PIP4K2A: variants seen among roughly 807,000 people sequenced by gnomAD.
PIP4K2A encodes the protein phosphatidylinositol 5-phosphate 4-kinase type-2 alpha.
A neutral mutation model predicts 42.9 loss-of-function variants in PIP4K2A; 14 were observed. The ratio of observed to expected loss-of-function variants is 0.33; its 90% CI spans 0.22 to 0.51. The LOEUF (loss-of-function observed/expected upper bound fraction) is 0.51. Among genes scored for constraint, PIP4K2A ranks in the 20% least tolerant of loss-of-function variants. PIP4K2A has a pLI of 0.97. For synonymous variants in PIP4K2A, 192 were observed against 192.2 expected, an observed-to-expected ratio of 1.00 and a Z score of 0.01; for missense variants, 434 against 519.8, an observed-to-expected ratio of 0.83 and a Z score of 1.61.
intron 1 of PIP4K2A, among the ~76,000 whole-genome samples, chr10:22,679,112 T>G (rs1179750784): frequency 6.6e-6 from 1 of 152,158 alleles, no homozygotes; most frequent in Non-Finnish European, 1.5e-5. Flanking sequence ...CACCTAATGC[T>G]GCAAACAATA....
At chr10:22,588,437 T>A (rs1837445492) in intron 4 of PIP4K2A, among the ~76,000 whole-genome samples, 1 of 152,220 alleles carries the variant, frequency 6.6e-6, no homozygotes, top group South Asian at 2.1e-4. Context: ...CTTACATTTC[T>A]CCTTGGCAAC....
chr10:22,562,866 C>G (rs1036293263), intron 6 of PIP4K2A, among the ~76,000 whole-genome samples: 4 of 152,124 alleles, frequency 2.6e-5, no homozygotes, highest in African/African-American at 9.7e-5. Flanking sequence ...TCTGTTCTGA[C>G]GCCACCCTGA....
chr10:22,625,138 A>C (rs1484173422), intron 1 of PIP4K2A, among the ~76,000 whole-genome samples: 1 of 152,222 alleles, frequency 6.6e-6, no homozygotes, highest in Non-Finnish European at 1.5e-5. Context: ...CCAGTGATAC[A>C]GTTCTTCCAC....
At chr10:22,689,419 T>C (rs1334908950) in intron 1 of PIP4K2A, among the ~76,000 whole-genome samples, 1 of 152,224 alleles carries the variant, frequency 6.6e-6, no homozygotes, top group Admixed American at 6.5e-5. Flanking sequence ...AGGCCTACCA[T>C]GGTTGCAGCT....
At chr10:22,594,730 G>A (rs938341978) in intron 3 of PIP4K2A, among the ~76,000 whole-genome samples, 2 of 152,164 alleles carry the variant, frequency 1.3e-5, no homozygotes, top group Admixed American at 6.5e-5. Flanking sequence ...GGCTGGAAAC[G>A]TAAAAGCAAA....
At chr10:22,701,995 A>C (rs974560091) in intron 1 of PIP4K2A, among the ~76,000 whole-genome samples, 2 of 152,356 alleles carry the variant, frequency 1.3e-5, no homozygotes, top group Admixed American at 1.3e-4. Flanking sequence ...CAGGGACTGC[A>C]GCCCAATTTT....
chr10:22,709,106 CTTT>C (rs760885162), intron 1 of PIP4K2A, among the ~76,000 whole-genome samples: 1 of 144,470 alleles, frequency 6.9e-6, no homozygotes, highest in Non-Finnish European at 1.5e-5. Context: ...ATTTAGCAGA[CTTT>C]TTTTTTTTTT....
chr10:22,536,478 C>T lies in PIP4K2A; in HGVS notation c.*723G>A, dbSNP rs1331432765. Reference sequence around the variant, plus strand: ...TTGCGGGAGGGGTGGGGGCTCTGGACACCAGGGGGTCCTGACAAGGCTGGG... The same window carrying T: ...TTGCGGGAGGGGTGGGGGCTCTGGATACCAGGGGGTCCTGACAAGGCTGGG... On this transcript the variant is annotated 3_prime_UTR_variant, in exon 10 of 10. Coordinates refer to ENST00000376573, the MANE Select transcript of PIP4K2A (RefSeq NM_005028.5). The T allele has an allele frequency of 1.1e-5, 2 of 188,112 alleles. No homozygotes were observed. The highest frequency in any genetic ancestry group is 2.2e-5 in the Non-Finnish European group (2 of 92,466). 11.7% of individuals were successfully genotyped at this position (188,112 alleles called of 1,614,324 possible). A position where few individuals can be genotyped will look rare whatever the true frequency, so the allele number is the denominator to read the frequency against.
chr10:22,671,532 G>A (rs1016523119), intron 1 of PIP4K2A, among the ~76,000 whole-genome samples: 1 of 152,098 alleles, frequency 6.6e-6, no homozygotes, highest in Non-Finnish European at 1.5e-5. Context: ...CTGCCCACCT[G>A]GGTCCTGCCA....
chr10:22,672,723 A>C (rs911916087), intron 1 of PIP4K2A, among the ~76,000 whole-genome samples: 3 of 152,232 alleles, frequency 2.0e-5, no homozygotes, highest in African/African-American at 7.2e-5. Flanking sequence ...ACAGACGCAG[A>C]GAAAAAGACC....
At chr10:22,676,097 CTTTT>C (rs1206080617) in intron 1 of PIP4K2A, among the ~76,000 whole-genome samples, 2 of 125,664 alleles carry the variant, frequency 1.6e-5, no homozygotes, top group Non-Finnish European at 3.6e-5. Flanking sequence ...CTTTTCCTGT[CTTTT>C]CATCTCTCTG....
chr10:22,622,681 C>T (rs1014762555), intron 1 of PIP4K2A, among the ~76,000 whole-genome samples: 2 of 152,230 alleles, frequency 1.3e-5, no homozygotes, highest in South Asian at 2.1e-4. Context: ...CGGGACAAGT[C>T]GTCTGTCTTC....
At chr10:22,574,804 TGA>T (rs1837072830) in intron 4 of PIP4K2A, among the ~76,000 whole-genome samples, 1 of 152,194 alleles carries the variant, frequency 6.6e-6, no homozygotes, top group South Asian at 2.1e-4. Flanking sequence ...TATAATAAAT[TGA>T]GTTTTGCTAA....
rs1296112157 is a variant in PIP4K2A, at chr10:22,536,629, T to G, written c.*572A>C. On this transcript the variant is annotated 3_prime_UTR_variant, in exon 10 of 10. Transcript: ENST00000376573. ...TAGAAATGGAACATTCGCTGTAGGT[T>G]TTTTCCTTGGAATCATCATCATTAT... is the stretch of plus-strand genomic sequence containing the variant. 1 of 151,620 alleles carries G rather than the reference T, an allele frequency of 6.6e-6. No homozygotes were observed. The highest frequency in any genetic ancestry group is 2.4e-5 in the African/African-American group (1 of 40,840). The allele number at this position is 151,620 out of a possible 1,614,324, so 9.4% of individuals were successfully genotyped here. A position where few individuals can be genotyped will look rare whatever the true frequency, so the allele number is the denominator to read the frequency against.
intron 1 of PIP4K2A, among the ~76,000 whole-genome samples, chr10:22,672,773 C>T (rs944722040): frequency 6.6e-6 from 1 of 152,176 alleles, no homozygotes; most frequent in Non-Finnish European, 1.5e-5. Flanking sequence ...GTCACACCAA[C>T]CGTAATTTAG....
At chr10:22,604,349 CCT>C (rs1424765071) in intron 3 of PIP4K2A, among the ~76,000 whole-genome samples, 3 of 152,002 alleles carry the variant, frequency 2.0e-5, no homozygotes, top group Middle Eastern at 3.2e-3. Context: ...CAGACCAATA[CCT>C]ACTTTTTTCA....
chr10:22,639,833 T>A (rs941759162), intron 1 of PIP4K2A, among the ~76,000 whole-genome samples: 2 of 150,150 alleles, frequency 1.3e-5, no homozygotes, highest in Admixed American at 6.6e-5. Flanking sequence ...TAAAGTCACA[T>A]AATGTCTTCA....
At chr10:22,598,362 T>C (rs1173587349) in intron 3 of PIP4K2A, among the ~76,000 whole-genome samples, 1 of 152,076 alleles carries the variant, frequency 6.6e-6, no homozygotes, top group Non-Finnish European at 1.5e-5. Flanking sequence ...TGTTAAAAAA[T>C]AAAAACAAAC....
rs1431943905 is a variant in PIP4K2A at position 22,536,408 on chromosome 10, C to G, written c.*793G>C. ...AAGCAGTTTTCCTGGACATATTGGC[C>G]GAGGTGAAAAATGTATAGAGAATCA... On this transcript the variant is annotated 3_prime_UTR_variant, in exon 10 of 10. Coordinates refer to ENST00000376573, the MANE Select transcript of PIP4K2A (RefSeq NM_005028.5). The G allele has an allele frequency of 3.4e-6, 1 of 290,588 alleles. No individual in the cohort carries two copies. Among genetic ancestry groups the G allele is most frequent in the East Asian group, 5.3e-5 (1 of 18,766 alleles). The allele number at this position is 290,588 out of a possible 1,614,324, so 18.0% of individuals were successfully genotyped here. A position where few individuals can be genotyped will look rare whatever the true frequency, so the allele number is the denominator to read the frequency against.
Sources: allele counts gnomAD v4.1 joint callset (sites outside exome capture counted in the v4.1 genomes callset), GRCh38; gene constraint gnomAD v4.1.1; transcripts MANE v1.5; gene names NCBI Gene and HGNC (gene_info 2026-07-23, HGNC 2026-07-21).